Variants in ACACA observed in about 807,000 individuals in gnomAD.
ACACA encodes acetyl-CoA carboxylase 1.
A neutral mutation model predicts 296.1 loss-of-function variants in ACACA; 103 were observed. The ratio of observed to expected loss-of-function variants is 0.35; its 90% CI spans 0.30 to 0.41. ACACA has a LOEUF of 0.41. ACACA is among the 10% of genes least tolerant of loss of function. The pLI, the probability that ACACA is intolerant of heterozygous loss-of-function variation, is 1.00. For synonymous variants in ACACA, 953 were observed against 1,038.6 expected (o/e 0.92, Z 1.58); for missense variants, 1,554 against 2,989.7 (o/e 0.52, Z 11.20).
At chr17:37,272,931 T>C (rs2082130521) in intron 9 of ACACA, among the ~76,000 whole-genome samples, 1 of 152,150 alleles carries the variant, frequency 6.6e-6, no homozygotes, top group African/African-American at 2.4e-5. Flanking sequence ...TGTGGCTTTA[T>C]CATCATCTTT....
intron 45 of ACACA, among the ~76,000 whole-genome samples, chr17:37,142,712 T>C (rs769381753): frequency 2.0e-4 from 30 of 152,220 alleles, no homozygotes; most frequent in Admixed American, 5.9e-4. Context: ...GGGACTCTTG[T>C]AGACAGATGA....
At chr17:37,333,014 T>C (rs2047955842) in intron 2 of ACACA, among the ~76,000 whole-genome samples, 1 of 152,028 alleles carries the variant, frequency 6.6e-6, no homozygotes, top group Non-Finnish European at 1.5e-5. Context: ...AGTTCCTTTG[T>C]AGAAAAAGGA....
intron 3 of ACACA, among the ~76,000 whole-genome samples, chr17:37,317,705 T>C (rs1261886078): frequency 2.6e-5 from 4 of 152,214 alleles, no homozygotes; most frequent in African/African-American, 9.6e-5. Flanking sequence ...ATGCATGCAT[T>C]ACACTTGAAA....
In ACACA at chr17:37,113,834, G is replaced by T. The variant is rs1029566460; in HGVS notation, c.6275-569C>A. The stretch of plus-strand genomic sequence containing the variant: ...AGTGCTCAACAAATATCTGCTGAAT[G>T]AATGAATGCTGAATAAATTAGTTAT... On this transcript the variant is annotated intron_variant, in intron 50 of 55. Transcript: ENST00000616317. This position sits in a 1 kb window ranked among gnomAD's most constrained non-coding sequence, Gnocchi z 4.0. 6.6e-6 allele frequency among the ~76,000 whole-genome samples: 1 copy of T among 152,224 alleles called. No homozygotes were observed. The highest frequency in any genetic ancestry group is 2.4e-5 in the African/African-American group (1 of 41,442).
intron 8 of ACACA, 52 bp from the exon 9 acceptor site, chr17:37,274,351 C>A: frequency 6.8e-7 from 1 of 1,468,546 alleles, no homozygotes; most frequent in Non-Finnish European, 9.5e-7. Flanking sequence ...CTGCTCTTGT[C>A]AATTTTCTGC....
chr17:37,140,543 T>C (rs1439454710), intron 45 of ACACA: 2 of 153,472 alleles, frequency 1.3e-5, no homozygotes, highest in African/African-American at 4.8e-5. Flanking sequence ...TCTGGTCTTC[T>C]ACTTAAAAAA....
intron 30 of ACACA, among the ~76,000 whole-genome samples, chr17:37,209,152 T>C (rs2078640733): frequency 6.6e-6 from 1 of 152,154 alleles, no homozygotes; most frequent in African/African-American, 2.4e-5. Context: ...GAGGAAACCA[T>C]TGATACAATG....
intron 1 of ACACA, among the ~76,000 whole-genome samples, chr17:37,352,194 A>C (rs1484146855): frequency 6.6e-6 from 1 of 152,046 alleles, no homozygotes; most frequent in African/African-American, 2.4e-5. Context: ...CTGGGATTAC[A>C]GGGGTGAGCC....
rs2047810105 is a variant in ACACA, at chr17:37,330,186, C to T, written c.325G>A (p.Ala109Thr). 1 of 1,614,154 alleles carries T rather than the reference C, an allele frequency of 6.2e-7. No individual in the cohort carries two copies. The highest frequency in any genetic ancestry group is 1.1e-5 in the South Asian group (1 of 91,084). The stretch of plus-strand genomic sequence containing the variant: ...ACTCTCTCTTACCTTATGTGCAAGG[C>T]CAAGCCATCCTGTAGGCTAGAGATC... ...LGISSLQDGL[A>T]LHIRSSMSGL... Residue 109 changes from alanine to threonine, a missense_variant, in exon 3 of 56, where the codon GCC (alanine) becomes ACC (threonine). Coordinates refer to ENST00000616317, the MANE Select transcript of ACACA (RefSeq NM_198834.3).
intron 45 of ACACA, among the ~76,000 whole-genome samples, chr17:37,131,161 A>G (rs1004314769): frequency 1.3e-5 from 2 of 151,964 alleles, no homozygotes; most frequent in African/African-American, 2.4e-5. Flanking sequence ...TCAGGGCCTC[A>G]ATCCCTGGTA....
intron 1 of ACACA, among the ~76,000 whole-genome samples, chr17:37,390,253 T>TATATAATATATTA (rs2050767925): frequency 2.9e-5 from 1 of 35,086 alleles, no homozygotes; most frequent in African/African-American, 2.6e-4. Context: ...TATATATATA[T>TATATAATATATTA]TATATATAAT....
At chr17:37,283,698 A>C (rs2082646012) in intron 4 of ACACA, among the ~76,000 whole-genome samples, 1 of 152,200 alleles carries the variant, frequency 6.6e-6, no homozygotes, top group Admixed American at 6.5e-5. Flanking sequence ...TGACTTTGTG[A>C]ATTATTCTAC....
chr17:37,361,947 C>A (rs2049419391), intron 1 of ACACA, among the ~76,000 whole-genome samples: 3 of 152,136 alleles, frequency 2.0e-5, no homozygotes, highest in African/African-American at 7.2e-5. Context: ...AGTCCTAACC[C>A]CTAATACCTC....
chr17:37,391,162 C>T lies in ACACA; in HGVS notation c.38+15100G>A, dbSNP rs559581744. ...CTGAGGCAGGATAATCGCTTGAACCCGGGAGGCACAGGCTGCGGTGAGCTG... is the reference window on the plus strand; with the variant it reads ...CTGAGGCAGGATAATCGCTTGAACCTGGGAGGCACAGGCTGCGGTGAGCTG... On this transcript the variant is annotated intron_variant, in intron 1 of 55. Coordinates refer to ENST00000616317, the MANE Select transcript of ACACA (RefSeq NM_198834.3). Among the ~76,000 whole-genome samples, 57 of 152,208 alleles carry T rather than the reference C, an allele frequency of 3.7e-4. No individual in the cohort carries two copies. In the South Asian group the frequency reaches 0.01, roughly 28 times the overall value.
intron 29 of ACACA, among the ~76,000 whole-genome samples, chr17:37,216,590 G>A (rs989375138): frequency 4.6e-5 from 7 of 151,642 alleles, no homozygotes; most frequent in Non-Finnish European, 1.0e-4. Context: ...AAAAAACAGA[G>A]TAACCGCAAC....
At chr17:37,270,612 A>C in intron 10 of ACACA, 139 bp downstream of exon 10, 1 of 689,006 alleles carries the variant, frequency 1.5e-6, no homozygotes. Context: ...TGCAGGTAGA[A>C]ACTAGAGAGA....
chr17:37,324,022 G>C (rs1482060638), intron 3 of ACACA, among the ~76,000 whole-genome samples: 1 of 152,174 alleles, frequency 6.6e-6, no homozygotes, highest in Non-Finnish European at 1.5e-5. Flanking sequence ...CCTGAGGTCA[G>C]GGGTTCAAGA....
chr17:37,283,602 G>A lies in ACACA; in HGVS notation c.472-197C>T, dbSNP rs186431088. On this transcript the variant is annotated intron_variant, in intron 4 of 55. Transcript: ENST00000616317. ...AGCAGTATCTTTAAATGTTAACTAA[G>A]CAAATACTTGAGTATGTGCCAGCTA... is the stretch of plus-strand genomic sequence containing the variant. Among the ~76,000 whole-genome samples the A allele has an allele frequency of 1.7e-3, 258 of 152,276 alleles. 1 individual carries two copies. Among genetic ancestry groups the A allele is most frequent in the African/African-American group, 5.9e-3 (244 of 41,550 alleles).
At chr17:37,273,543 T>C (rs186679539) in intron 9 of ACACA, among the ~76,000 whole-genome samples, 1 of 152,360 alleles carries the variant, frequency 6.6e-6, no homozygotes, top group Non-Finnish European at 1.5e-5. Context: ...CTCAGCCTTT[T>C]CCCCTTTGGG....
Sources: gnomAD v4.1 joint callset for allele counts (sites outside exome capture counted in the v4.1 genomes callset) on GRCh38, gnomAD v4.1.1 for gene constraint, Gnocchi (gnomAD v3.1) non-coding constraint, MANE v1.5 for transcripts, NCBI Gene and HGNC (gene_info 2026-07-23, HGNC 2026-07-21) for gene names.